Variants in OSMR observed in about 807,000 individuals in gnomAD.
The protein encoded by OSMR is oncostatin M receptor.
OSMR carries 81 observed loss-of-function variants against 99.9 expected under a neutral mutation model. The ratio of observed to expected loss-of-function variants is 0.81; its 90% CI spans 0.68 to 0.97. The LOEUF is 0.97. Ranked by LOEUF, OSMR falls within the 50% of genes least tolerant of loss-of-function variation. OSMR has a pLI of 0.00. For missense variants in OSMR, 1,099 were observed against 1,153.4 expected, an observed-to-expected ratio of 0.95 and a Z score of 0.68; for synonymous variants, 406 against 410.4, an observed-to-expected ratio of 0.99 and a Z score of 0.13.
chr5:38,935,263 C>CACTA lies in OSMR; in HGVS notation c.*1820_*1823dup, dbSNP rs1461661533. Reference sequence around the variant, plus strand: ...CAATGCCTTGCACTGTGCCATTCAACACTATGAAGAGAAACAAGTAGCCAC... The same window carrying CACTA: ...CAATGCCTTGCACTGTGCCATTCAACACTAACTATGAAGAGAAACAAGTAGCCAC... On this transcript the variant is annotated 3_prime_UTR_variant, in exon 18 of 18. Coordinates refer to ENST00000274276, the MANE Select transcript of OSMR (RefSeq NM_003999.3). The CACTA allele has an allele frequency of 2.0e-5, 3 of 151,900 alleles. No individual in the cohort carries two copies. Among genetic ancestry groups the CACTA allele is most frequent in the Non-Finnish European group, 2.9e-5 (2 of 68,038 alleles). 9.4% of individuals were successfully genotyped at this position (151,900 alleles called of 1,614,324 possible). A position where few individuals can be genotyped will look rare whatever the true frequency, so the allele number is the denominator to read the frequency against.
At chr5:38,940,144 A>AAAC, downstream of OSMR, 1 of 144,284 alleles carries the variant, frequency 6.9e-6, no homozygotes, top group Non-Finnish European at 1.3e-5. Context: ...AAAAAAAAAC[A>AAAC]AAAAAAAAAA....
intron 7 of OSMR, chr5:38,886,647 A>T (rs1743795179): frequency 6.5e-6 from 1 of 154,342 alleles, no homozygotes; most frequent in Non-Finnish European, 1.4e-5. Context: ...AATTGCTAAT[A>T]TTTGCCCATA....
chr5:38,884,706 C>A (rs920559343), intron 5 of OSMR, among the ~76,000 whole-genome samples: 3 of 152,162 alleles, frequency 2.0e-5, no homozygotes, highest in South Asian at 4.1e-4. Context: ...TAAATTGGTT[C>A]CATCGGATAC....
At chr5:38,885,110 A>T (rs1258789470) in intron 5 of OSMR, 1 of 836,526 alleles carries the variant, frequency 1.2e-6, no homozygotes, top group African/African-American at 1.8e-5. Flanking sequence ...CTTGCATAAC[A>T]TGGACCATCC....
chr5:38,864,270 T>C (rs1741752692), intron 1 of OSMR, among the ~76,000 whole-genome samples: 1 of 152,194 alleles, frequency 6.6e-6, no homozygotes. Flanking sequence ...TTGTTCATCA[T>C]TGCAGTTTGG....
At chr5:38,930,699 T>G (rs910138674) in intron 15 of OSMR, among the ~76,000 whole-genome samples, 1 of 152,218 alleles carries the variant, frequency 6.6e-6, no homozygotes, top group Non-Finnish European at 1.5e-5. Flanking sequence ...AAAAGATGTT[T>G]ATTTGGGACT....
chr5:38,888,679 CATT>C lies in OSMR; in HGVS notation c.991+2490_991+2492del, dbSNP rs1215562183. ...TTTAAAAATAATTGTACTATATCAT[CATT>C]GTCAGAGCACATAGATATTACCTGT... On this transcript the variant is annotated intron_variant, in intron 7 of 17. Coordinates refer to ENST00000274276, the MANE Select transcript of OSMR (RefSeq NM_003999.3). 4.6e-5 allele frequency among the ~76,000 whole-genome samples: 7 copies of C among 152,116 alleles called. No individual in the cohort carries two copies. In the South Asian group the frequency reaches 6.2e-4, roughly 14 times the overall value.
Position 38,934,598 on chromosome 5 carries a change from T to TCAAA in OSMR, c.*1161_*1164dup, listed in dbSNP as rs970232006. 4 of 152,016 alleles carry TCAAA rather than the reference T, an allele frequency of 2.6e-5. No individual in the cohort carries two copies. The East Asian group carries it at 5.8e-4, about 22-fold the overall frequency. The allele number at this position is 152,016 out of a possible 1,614,324, so 9.4% of individuals were successfully genotyped here. ...TCACTGCAGCTTCCGCCTCCTAGAT[T>TCAAA]CAAACAAACAGTTCTCCTGCCCCAG... On this transcript the variant is annotated 3_prime_UTR_variant, in exon 18 of 18. Coordinates refer to ENST00000274276, the MANE Select transcript of OSMR (RefSeq NM_003999.3).
chr5:38,932,858 T>G lies in OSMR; in HGVS notation c.2368-14T>G, dbSNP rs543410433. On this transcript the variant is annotated splice_polypyrimidine_tract_variant and intron_variant, in intron 17 of 17. Transcript: ENST00000274276. ...ACAAATGTCTATATTTACATATTTT[T>G]GTTTCCTTTCTAGGAGAACCCTCAC... 2.6e-5 allele frequency: 42 copies of G among 1,613,756 alleles called. 1 individual carries two copies. Among genetic ancestry groups the G allele is most frequent in the Non-Finnish European group, 3.4e-5 (40 of 1,179,912 alleles).
chr5:38,937,189 C>T (rs1353775144), downstream of OSMR, among the ~76,000 whole-genome samples: 2 of 152,190 alleles, frequency 1.3e-5, no homozygotes, highest in East Asian at 3.9e-4. The surrounding 1 kb of genome is among the most constrained non-coding windows in gnomAD (Gnocchi z 4.0). Flanking sequence ...CCGGCCACCA[C>T]GCCCGGCTGA....
chr5:38,873,366 T>C (rs1238568988), intron 2 of OSMR, among the ~76,000 whole-genome samples: 1 of 152,246 alleles, frequency 6.6e-6, no homozygotes, highest in Non-Finnish European at 1.5e-5. Context: ...TTTCCACCTC[T>C]TGGCTATTGT....
At chr5:38,939,019 T>A (rs186218594), downstream of OSMR, 239 of 233,086 alleles carry the variant, frequency 1.0e-3, no homozygotes, top group Non-Finnish European at 1.6e-3. Flanking sequence ...TTTCCCAAAG[T>A]AGTTTACAAA....
At chr5:38,859,374 G>T (rs1252963258) in intron 1 of OSMR, among the ~76,000 whole-genome samples, 1 of 152,038 alleles carries the variant, frequency 6.6e-6, no homozygotes, top group Non-Finnish European at 1.5e-5. Flanking sequence ...CCCAATATAT[G>T]TTCTTGGAAC....
intron 11 of OSMR, chr5:38,919,425 A>G (rs1746121913): frequency 1.6e-5 from 18 of 1,128,452 alleles, no homozygotes; most frequent in Non-Finnish European, 1.9e-5. Context: ...TGCATTTACT[A>G]TTTTGTAAAA....
At chr5:38,913,161 A>G (rs1275536991) in intron 9 of OSMR, among the ~76,000 whole-genome samples, 1 of 152,176 alleles carries the variant, frequency 6.6e-6, no homozygotes, top group African/African-American at 2.4e-5. Flanking sequence ...GTGAGAAACT[A>G]TTTGTAAACT....
At chr5:38,913,674 A>G (rs1327869691) in intron 9 of OSMR, among the ~76,000 whole-genome samples, 2 of 152,146 alleles carry the variant, frequency 1.3e-5, no homozygotes, top group South Asian at 2.1e-4. Context: ...CAAAATCACA[A>G]TGAGACACCA....
chr5:38,897,189 C>T (rs1438884265), intron 7 of OSMR, among the ~76,000 whole-genome samples: 1 of 152,014 alleles, frequency 6.6e-6, no homozygotes, highest in Non-Finnish European at 1.5e-5. Context: ...CATATTCCCT[C>T]CTCCTCTGTT....
chr5:38,933,402 C>T lies in OSMR; in HGVS notation c.2898C>T (p.Leu966=). The T allele has an allele frequency of 6.2e-7, 1 of 1,614,074 alleles. No homozygotes were observed. The change falls in exon 18 of 18, where the codon CTC becomes CTT. Residue 966 remains leucine (L), a synonymous_variant. Coordinates refer to ENST00000274276, the MANE Select transcript of OSMR (RefSeq NM_003999.3). ...ALPPPTENSS[L]SSITLLDPGE... ...CTCCCCCGACCGAGAATAGCAGCCT[C>T]TCCTCAATTACCCTTTTAGATCCAG...
At chr5:38,849,519 T>C (rs1181641340) in intron 1 of OSMR, among the ~76,000 whole-genome samples, 1 of 152,156 alleles carries the variant, frequency 6.6e-6, no homozygotes, top group African/African-American at 2.4e-5. Context: ...TGTAGCTTTA[T>C]AGTGTTTTTG....
Sources: allele counts gnomAD v4.1 joint callset (sites outside exome capture counted in the v4.1 genomes callset), GRCh38; gene constraint gnomAD v4.1.1; non-coding constraint Gnocchi (gnomAD v3.1); transcripts MANE v1.5; gene names NCBI Gene and HGNC (gene_info 2026-07-23, HGNC 2026-07-21).